PTPRD: variants seen among roughly 807,000 people sequenced by gnomAD.
PTPRD encodes the protein protein tyrosine phosphatase receptor type D.
Under a neutral mutation model 214.5 loss-of-function variants are expected in PTPRD, and 34 were observed. The ratio of observed to expected loss-of-function variants is 0.16; its 90% CI spans 0.12 to 0.21. The LOEUF is 0.21. Among genes scored for constraint, PTPRD ranks in the 10% least tolerant of loss-of-function variants. The pLI, the probability that PTPRD is intolerant of heterozygous loss-of-function variation, is 1.00. For missense variants in PTPRD, 2,545 were observed against 2,398.7 expected (o/e 1.06, Z -1.27); for synonymous variants, 1,128 against 845.7 (o/e 1.33, Z -5.79).
At chr9:8,925,202 G>A (rs748978189) in intron 11 of PTPRD, among the ~76,000 whole-genome samples, 1 of 151,986 alleles carries the variant, frequency 6.6e-6, no homozygotes, top group African/African-American at 2.4e-5. Context: ...TGCAGCCAAC[G>A]TCTTGACTCC....
chr9:9,445,574 CCTT>C (rs1316198049), intron 8 of PTPRD, among the ~76,000 whole-genome samples: 1 of 152,106 alleles, frequency 6.6e-6, no homozygotes, highest in African/African-American at 2.4e-5. Flanking sequence ...GCAAACACGT[CCTT>C]CTTCACATGG....
chr9:8,396,452 T>C (rs889191470), intron 36 of PTPRD, among the ~76,000 whole-genome samples: 5 of 152,100 alleles, frequency 3.3e-5, no homozygotes, highest in Admixed American at 2.0e-4. Context: ...GATGTAGGTT[T>C]ATCTACGGCC....
chr9:9,509,949 G>A (rs1280229984), intron 8 of PTPRD, among the ~76,000 whole-genome samples: 1 of 151,460 alleles, frequency 6.6e-6, no homozygotes, highest in Non-Finnish European at 1.5e-5. Context: ...TTTCCAACTG[G>A]CTGCCTGATA....
At chr9:10,253,278 T>C (rs1260989797) in intron 3 of PTPRD, among the ~76,000 whole-genome samples, 1 of 152,196 alleles carries the variant, frequency 6.6e-6, no homozygotes, top group Non-Finnish European at 1.5e-5. Context: ...CTTCACAGAA[T>C]GGAATCCTTC....
intron 9 of PTPRD, among the ~76,000 whole-genome samples, chr9:9,284,649 G>A (rs1425935721): frequency 4.0e-5 from 6 of 151,726 alleles, no homozygotes; most frequent in South Asian, 2.1e-4. Flanking sequence ...CATTCCTCAC[G>A]AAGATATTTT....
intron 8 of PTPRD, among the ~76,000 whole-genome samples, chr9:9,401,652 A>T (rs1668107518): frequency 6.6e-6 from 1 of 150,996 alleles, no homozygotes; most frequent in African/African-American, 2.4e-5. Flanking sequence ...CCAGTCATTG[A>T]TACGGTTTTT....
chr9:9,429,163 A>C lies in PTPRD; in HGVS notation c.-236-31681T>G, dbSNP rs574973517. ...AAATTGATAGGCAGCTAGCAGACTAATAAAGAAGAAAAGAGAGAAGAATCA... is the reference window on the plus strand; with the variant it reads ...AAATTGATAGGCAGCTAGCAGACTACTAAAGAAGAAAAGAGAGAAGAATCA... On this transcript the variant is annotated intron_variant, in intron 8 of 45. Transcript: ENST00000381196. Among the ~76,000 whole-genome samples, 160 of 152,352 alleles carry C rather than the reference A, an allele frequency of 1.1e-3. 1 individual carries two copies. The highest frequency in any genetic ancestry group is 3.7e-3 in the African/African-American group (153 of 41,586).
intron 7 of PTPRD, among the ~76,000 whole-genome samples, chr9:9,619,706 T>C (rs999173935): frequency 5.5e-5 from 8 of 145,820 alleles, no homozygotes; most frequent in Admixed American, 1.4e-4. Context: ...TATAGAAATA[T>C]ATGTATTTAT....
intron 11 of PTPRD, among the ~76,000 whole-genome samples, chr9:8,769,235 T>C (rs1009077836): frequency 3.3e-5 from 5 of 152,266 alleles, no homozygotes; most frequent in Non-Finnish European, 7.3e-5. Context: ...AGTATTTGTT[T>C]GAGTTCATTC....
intron 3 of PTPRD, among the ~76,000 whole-genome samples, chr9:10,179,743 A>T (rs898878683): frequency 6.6e-6 from 1 of 152,084 alleles, no homozygotes; most frequent in African/African-American, 2.4e-5. Flanking sequence ...TGAAGTACTG[A>T]AGCGGAGACT....
In PTPRD at chr9:8,636,826, C is replaced by A. The variant is rs1353675904; in HGVS notation, c.83G>T (p.Arg28Leu). ...TDAETPPRFT[R>L]TPVDQTGVSG... ...GACCCCTGTCTGATCAACGGGTGTT[C>A]GTGTAAACCTTGGAGGTGCTGAAAT... Residue 28 changes from arginine to leucine, a missense_variant, in exon 13 of 46, where the codon CGA (arginine) becomes CTA (leucine). Arg to Leu is a moderately radical substitution (Grantham distance 102). Coordinates refer to ENST00000381196, the MANE Select transcript of PTPRD (RefSeq NM_002839.4). 6.2e-7 allele frequency: 1 copy of A among 1,613,620 alleles called. No individual in the cohort carries two copies. Among genetic ancestry groups the A allele is most frequent in the Non-Finnish European group, 8.5e-7 (1 of 1,179,664 alleles).
chr9:9,641,503 G>C (rs1331816125), intron 7 of PTPRD, among the ~76,000 whole-genome samples: 1 of 152,148 alleles, frequency 6.6e-6, no homozygotes, highest in Non-Finnish European at 1.5e-5. Context: ...CTATAGGAAA[G>C]TACCATAGTG....
intron 17 of PTPRD, among the ~76,000 whole-genome samples, chr9:8,525,425 A>G (rs1356248761): frequency 1.3e-5 from 2 of 152,130 alleles, no homozygotes; most frequent in Non-Finnish European, 2.9e-5. Context: ...AAGTGGCGCA[A>G]AAGATAGGTA....
intron 3 of PTPRD, among the ~76,000 whole-genome samples, chr9:10,092,915 C>G (rs979531746): frequency 6.6e-6 from 1 of 151,556 alleles, no homozygotes; most frequent in Non-Finnish European, 1.5e-5. Context: ...ACGAATGAAA[C>G]TGGACTCCTG....
chr9:9,395,547 G>A (rs1466924478), intron 9 of PTPRD, among the ~76,000 whole-genome samples: 1 of 152,060 alleles, frequency 6.6e-6, no homozygotes, highest in South Asian at 2.1e-4. Flanking sequence ...CCTTCTTCAA[G>A]CACCTACAAG....
At chr9:8,646,818 C>A (rs2096704267) in intron 12 of PTPRD, among the ~76,000 whole-genome samples, 1 of 152,194 alleles carries the variant, frequency 6.6e-6, no homozygotes, top group Non-Finnish European at 1.5e-5. Flanking sequence ...TAACTCCCAA[C>A]CATACCCAGC....
intron 11 of PTPRD, among the ~76,000 whole-genome samples, chr9:8,997,460 C>G (rs905751876): frequency 2.0e-5 from 3 of 152,136 alleles, no homozygotes; most frequent in African/African-American, 7.2e-5. Flanking sequence ...CTCTTGTTAT[C>G]TAGTTGTTGT....
intron 7 of PTPRD, among the ~76,000 whole-genome samples, chr9:9,588,667 G>A (rs1028688623): frequency 6.6e-6 from 1 of 151,876 alleles, no homozygotes; most frequent in African/African-American, 2.4e-5. Context: ...GTTTATGAAG[G>A]TTGGCAATTA....
At chr9:9,580,740 GC>G (rs1332764979) in intron 7 of PTPRD, among the ~76,000 whole-genome samples, 1 of 151,718 alleles carries the variant, frequency 6.6e-6, no homozygotes, top group African/African-American at 2.4e-5. Flanking sequence ...GTAGAGATGG[GC>G]TTTCAGCACG....
Sources: allele counts gnomAD v4.1 joint callset (sites outside exome capture counted in the v4.1 genomes callset), GRCh38; gene constraint gnomAD v4.1.1; transcripts MANE v1.5; gene names NCBI Gene and HGNC (gene_info 2026-07-23, HGNC 2026-07-21).